The following NOX4 variants were observed in gnomAD, a reference collection of about 807,000 sequenced individuals.
NOX4 encodes the protein kidney oxidase-1.
In NOX4, 69 loss-of-function variants were observed where a neutral mutation model predicts 87.6. The observed-to-expected ratio is 0.79, with a 90% confidence interval of 0.65 to 0.96. The LOEUF (loss-of-function observed/expected upper bound fraction) is 0.96, where lower values mean the gene tolerates loss of function less well. Among genes scored for constraint, NOX4 ranks in the 40% least tolerant of loss-of-function variants. NOX4 has a pLI of 0.00. For missense variants in NOX4, 680 were observed against 681.5 expected (o/e 1.00, Z 0.02); for synonymous variants, 275 against 238.2 (o/e 1.15, Z -1.42).
At chr11:89,563,577 T>C in the NOX4 span, among the ~76,000 whole-genome samples, 1 of 152,178 alleles carries the variant, frequency 6.6e-6, no homozygotes, top group Non-Finnish European at 1.5e-5. Context: ...GAAAAACATG[T>C]TTTTTTAATT....
At chr11:89,427,992 G>A (rs879326290) in intron 7 of NOX4, among the ~76,000 whole-genome samples, 16 of 152,320 alleles carry the variant, frequency 1.1e-4, no homozygotes, top group South Asian at 2.1e-4. Context: ...GCCCACAAAC[G>A]GAAGCCCATC....
At chr11:89,458,951 T>G (rs1945329100) in intron 2 of NOX4, among the ~76,000 whole-genome samples, 1 of 152,204 alleles carries the variant, frequency 6.6e-6, no homozygotes, top group Admixed American at 6.5e-5. Context: ...ATCCCATGAT[T>G]GAATATATAC....
At chr11:89,358,154 G>A (rs561686988) in intron 12 of NOX4, among the ~76,000 whole-genome samples, 1 of 152,136 alleles carries the variant, frequency 6.6e-6, no homozygotes, top group Admixed American at 6.6e-5. Context: ...GGAGGCTGAG[G>A]CATGTGGATC....
chr11:89,407,455 T>C (rs916501467), intron 8 of NOX4, among the ~76,000 whole-genome samples: 9 of 152,132 alleles, frequency 5.9e-5, no homozygotes, highest in Non-Finnish European at 1.3e-4. Flanking sequence ...GAAGTATCTG[T>C]GGAATGTCTA....
the NOX4 span, among the ~76,000 whole-genome samples, chr11:89,541,979 T>C: frequency 8.0e-6 from 1 of 125,216 alleles, no homozygotes; most frequent in Admixed American, 7.5e-5. Context: ...CTAATTTTTG[T>C]AGTTTTTTTT....
the NOX4 span, among the ~76,000 whole-genome samples, chr11:89,580,682 T>C: frequency 2.0e-5 from 3 of 152,186 alleles, no homozygotes; most frequent in African/African-American, 4.8e-5. Flanking sequence ...GAAGCATTCA[T>C]GGTATTTTTT....
intron 12 of NOX4, among the ~76,000 whole-genome samples, chr11:89,363,233 T>C (rs530455869): frequency 6.1e-4 from 93 of 152,204 alleles, no homozygotes; most frequent in Admixed American, 1.8e-3. Flanking sequence ...GGAAGTCCTT[T>C]TGAGCCGTGG....
the NOX4 span, among the ~76,000 whole-genome samples, chr11:89,532,856 A>G: frequency 6.6e-6 from 1 of 151,978 alleles, no homozygotes; most frequent in Non-Finnish European, 1.5e-5. Context: ...ATGCGATCTG[A>G]TGGTTTAAAA....
At position 89,378,451 on chromosome 11, in the gene NOX4, C is replaced by T. The variant is rs572552820; in HGVS notation, c.1075-4959G>A. 4.1e-4 allele frequency among the ~76,000 whole-genome samples: 63 copies of T among 152,174 alleles called. 1 individual carries two copies. The highest frequency in any genetic ancestry group is 9.4e-4 in the African/African-American group (39 of 41,570). Reference sequence around the variant, plus strand: ...CCCCTGAACCCTTAAATTATTAGTACGACTCTTATGCTCCTTATTACAGTC... The same window carrying T: ...CCCCTGAACCCTTAAATTATTAGTATGACTCTTATGCTCCTTATTACAGTC... On this transcript the variant is annotated intron_variant, in intron 11 of 17. Transcript: ENST00000263317.
In NOX4 at chr11:89,326,744, T is replaced by C. The variant is rs1399097206; in HGVS notation, c.*12A>G. 7 of 1,611,732 alleles carry C rather than the reference T, an allele frequency of 4.3e-6. No homozygotes were observed. The East Asian group carries it at 6.7e-5, about 15-fold the overall frequency. ...ATTCCTTCTTTAGAGTCCTGCTTCA[T>C]GGCAAAAGTTTTCAGCTGAAAGACT... On this transcript the variant is annotated 3_prime_UTR_variant, in exon 18 of 18. Coordinates refer to ENST00000263317, the MANE Select transcript of NOX4 (RefSeq NM_016931.5).
intron 13 of NOX4, among the ~76,000 whole-genome samples, chr11:89,348,259 G>T (rs558270560): frequency 6.6e-6 from 1 of 151,790 alleles, no homozygotes; most frequent in African/African-American, 2.4e-5. Context: ...TACTAAAAAC[G>T]CAAAAATTAG....
chr11:89,583,358 A>G, the NOX4 span, among the ~76,000 whole-genome samples: 1 of 152,174 alleles, frequency 6.6e-6, no homozygotes, highest in Non-Finnish European at 1.5e-5. Flanking sequence ...CAGTGTTGGA[A>G]GAGACTTTAG....
chr11:89,391,379 C>T, intron 11 of NOX4, among the ~76,000 whole-genome samples: 1 of 151,962 alleles, frequency 6.6e-6, no homozygotes, highest in Non-Finnish European at 1.5e-5. Flanking sequence ...GGTGTGAATA[C>T]ATGGAAGAAA....
chr11:89,489,793 T>G (rs779475043), intron 2 of NOX4, among the ~76,000 whole-genome samples: 4 of 150,760 alleles, frequency 2.7e-5, no homozygotes, highest in African/African-American at 4.9e-5. Context: ...CAAAGTAATA[T>G]GCCTTCAGTG....
rs1358722644 is a variant in NOX4, at chr11:89,326,135, A to G, written c.*621T>C. The G allele has an allele frequency of 6.6e-6, 1 of 151,962 alleles. No individual in the cohort carries two copies. The highest frequency in any genetic ancestry group is 2.4e-5 in the African/African-American group (1 of 41,430). 9.4% of individuals were successfully genotyped at this position (151,962 alleles called of 1,614,324 possible). A position where few individuals can be genotyped will look rare whatever the true frequency, so the allele number is the denominator to read the frequency against. ...AAAAAAATATATAAAAATAGATACTATAACAACATTTGAGGAAGGTTCAGT... is the reference window on the plus strand; with the variant it reads ...AAAAAAATATATAAAAATAGATACTGTAACAACATTTGAGGAAGGTTCAGT... On this transcript the variant is annotated 3_prime_UTR_variant, in exon 18 of 18. Transcript: ENST00000263317.
At chr11:89,545,033 T>C in the NOX4 span, 1 of 152,158 alleles carries the variant, frequency 6.6e-6, no homozygotes, top group Non-Finnish European at 1.5e-5. Flanking sequence ...TGAACTTTTA[T>C]ATTTAGATTA....
intron 11 of NOX4, among the ~76,000 whole-genome samples, chr11:89,394,541 C>T (rs1353206701): frequency 1.1e-4 from 16 of 152,010 alleles, no homozygotes; most frequent in African/African-American, 2.7e-4. Flanking sequence ...CTAGGGTACA[C>T]GTGCACAACG....
intron 2 of NOX4, among the ~76,000 whole-genome samples, chr11:89,459,454 T>TA (rs567208518): frequency 0.019 from 2,952 of 151,664 alleles, 106 homozygotes; most frequent in African/African-American, 0.067. Context: ...AATAAAACTT[T>TA]AAAAAAAACT....
chr11:89,520,280 G>A, the NOX4 span, among the ~76,000 whole-genome samples: 16 of 151,908 alleles, frequency 1.1e-4, no homozygotes, highest in East Asian at 3.9e-4. Flanking sequence ...TCATTTTTAC[G>A]GAATTTATAA....
Sources: gnomAD v4.1 joint callset for allele counts (sites outside exome capture counted in the v4.1 genomes callset) on GRCh38, gnomAD v4.1.1 for gene constraint, MANE v1.5 for transcripts, NCBI Gene and HGNC (gene_info 2026-07-23, HGNC 2026-07-21) for gene names.